The following CUL5 variants were observed in gnomAD, a reference collection of about 807,000 sequenced individuals.
The protein encoded by CUL5 is cullin-5.
A neutral mutation model predicts 108.8 loss-of-function variants in CUL5; 26 were observed. The observed-to-expected ratio is 0.24, with a 90% confidence interval of 0.18 to 0.33. CUL5 has a LOEUF of 0.33. Ranked by LOEUF, CUL5 falls within the 10% of genes least tolerant of loss-of-function variation. CUL5 has a pLI of 1.00. For missense variants in CUL5, 524 were observed against 909.2 expected, an observed-to-expected ratio of 0.58 and a Z score of 5.45; for synonymous variants, 334 against 298.0, an observed-to-expected ratio of 1.12 and a Z score of -1.25.
intron 1 of CUL5, among the ~76,000 whole-genome samples, chr11:108,031,083 T>G (rs530875798): frequency 6.6e-6 from 1 of 152,172 alleles, no homozygotes; most frequent in South Asian, 2.1e-4. Flanking sequence ...AAAATAATCA[T>G]GAGTCTGGGC....
At chr11:108,015,009 C>T (rs1862145532) in intron 1 of CUL5, among the ~76,000 whole-genome samples, 2 of 152,178 alleles carry the variant, frequency 1.3e-5, no homozygotes, top group African/African-American at 4.8e-5. Flanking sequence ...AGCAATTCTC[C>T]TTCCTCAGCC....
chr11:108,021,636 C>T (rs959552790), intron 1 of CUL5, among the ~76,000 whole-genome samples: 4 of 152,010 alleles, frequency 2.6e-5, no homozygotes, highest in Admixed American at 1.3e-4. Flanking sequence ...TACTGGTGTG[C>T]ACCACCACAC....
At chr11:108,028,835 AAAAT>A (rs1862509561) in intron 1 of CUL5, among the ~76,000 whole-genome samples, 2 of 152,206 alleles carry the variant, frequency 1.3e-5, no homozygotes, top group Middle Eastern at 3.2e-3. Context: ...AAAAAAATAA[AAAAT>A]AAAAAAGATT....
chr11:108,055,007 C>A, intron 7 of CUL5, 52 bp downstream of exon 7: 1 of 1,200,638 alleles, frequency 8.3e-7, no homozygotes, highest in Non-Finnish European at 1.2e-6. Context: ...AATACGGAAG[C>A]ATAGGAATGG....
rs139460863 is a variant in CUL5, at chr11:108,073,446, C to T, written c.1062C>T (p.Leu354=). The T allele has an allele frequency of 4.8e-5, 77 of 1,597,416 alleles. No homozygotes were observed. The African/African-American group carries it at 9.5e-4, about 20-fold the overall frequency. Residue 354 remains leucine, a synonymous_variant, in exon 10 of 19, where the codon CTC becomes CTT. Coordinates refer to ENST00000393094, the MANE Select transcript of CUL5 (RefSeq NM_003478.6). The stretch of plus-strand genomic sequence containing the variant: ...CACTATTTAATAGATTTAGTAAACT[C>T]GTCAAAGAAGCTTTTCAAGATGATC... The part of the protein sequence containing the change: ...LLTLFNRFSK[L]VKEAFQDDPR...
Position 108,088,499 on chromosome 11 carries a change from C to A in CUL5, c.1179-28C>A. The A allele has an allele frequency of 4.5e-6, 7 of 1,567,694 alleles. No homozygotes were observed. In the South Asian group the frequency reaches 7.1e-5, roughly 16 times the overall value. Reference sequence around the variant, plus strand: ...TAATTGCAAACATTAATCATTTTTCCATCAACTGCTTTTAATTTGTTTTTT... The same window carrying A: ...TAATTGCAAACATTAATCATTTTTCAATCAACTGCTTTTAATTTGTTTTTT... On this transcript the variant is annotated intron_variant, in intron 11 of 18. Transcript: ENST00000393094.
chr11:108,037,524 AGT>A (rs946182521), intron 2 of CUL5, among the ~76,000 whole-genome samples: 1 of 152,224 alleles, frequency 6.6e-6, no homozygotes, highest in African/African-American at 2.4e-5. Context: ...AAAGGGAAAA[AGT>A]GTGTGTGGCA....
At chr11:108,092,827 A>AT (rs1010010534) in intron 13 of CUL5, among the ~76,000 whole-genome samples, 24 of 151,930 alleles carry the variant, frequency 1.6e-4, no homozygotes, top group South Asian at 4.2e-4. Flanking sequence ...TATTTTTTAT[A>AT]TTTTTTTGAG....
chr11:108,049,806 A>G (rs2135128343), intron 3 of CUL5, 84 bp from the exon 4 acceptor site: 1 of 1,059,980 alleles, frequency 9.4e-7, no homozygotes, highest in Admixed American at 2.8e-5. Flanking sequence ...AAAATTATGT[A>G]CAATTTAAAT....
chr11:108,087,159 A>G (rs939026229), intron 11 of CUL5, among the ~76,000 whole-genome samples: 1 of 152,186 alleles, frequency 6.6e-6, no homozygotes, highest in Non-Finnish European at 1.5e-5. Flanking sequence ...ATTTATGTGA[A>G]TAAGACTTCT....
chr11:108,075,811 C>T (rs569605642), intron 10 of CUL5, among the ~76,000 whole-genome samples: 2 of 152,212 alleles, frequency 1.3e-5, no homozygotes, highest in South Asian at 4.1e-4. Flanking sequence ...TGAGCCACCA[C>T]CCCTGGCCCC....
At chr11:108,070,272 T>A in intron 8 of CUL5, 83 bp downstream of exon 8, 4 of 980,032 alleles carry the variant, frequency 4.1e-6, no homozygotes, top group Non-Finnish European at 6.4e-6. Flanking sequence ...TGCTCTTAGT[T>A]AATTCTTTTC....
intron 8 of CUL5, 26 bp from the exon 9 acceptor site, chr11:108,072,306 T>C (rs1481955205): frequency 1.3e-6 from 2 of 1,552,316 alleles, no homozygotes; most frequent in Admixed American, 3.7e-5. Context: ...ATGAAATGAT[T>C]ACATGAATGT....
At chr11:108,055,669 T>G (rs753461902) in intron 7 of CUL5, among the ~76,000 whole-genome samples, 53 of 151,814 alleles carry the variant, frequency 3.5e-4, no homozygotes, top group Non-Finnish European at 4.9e-4. Flanking sequence ...CTCTCTCTGT[T>G]GCCCAGGCTG....
chr11:108,052,735 G>C lies in CUL5; in HGVS notation c.487G>C (p.Val163Leu). 1 of 1,613,644 alleles carries C rather than the reference G, an allele frequency of 6.2e-7. No homozygotes were observed. The highest frequency in any genetic ancestry group is 8.5e-7 in the Non-Finnish European group (1 of 1,179,644). The change falls in exon 5 of 19, where the codon GTA becomes CTA. Residue 163 changes from valine (V) to leucine (L), a missense_variant. Coordinates refer to ENST00000393094, the MANE Select transcript of CUL5 (RefSeq NM_003478.6). ...ACTCCAAGATAGTGCAATGAAGCTG[G>C]TACATGCTGAGAGATTGGGAGAAGC... ...NRLQDSAMKL[V>L]HAERLGEAFD...
chr11:108,033,653 C>G, intron 1 of CUL5, 149 bp from the exon 2 acceptor site: 1 of 564,250 alleles, frequency 1.8e-6, no homozygotes, highest in Admixed American at 3.3e-5. Context: ...TCCTCAATAA[C>G]GGATTAAGCC....
chr11:108,081,667 G>C (rs1348822558), intron 11 of CUL5, among the ~76,000 whole-genome samples: 1 of 152,096 alleles, frequency 6.6e-6, no homozygotes, highest in Non-Finnish European at 1.5e-5. Flanking sequence ...CAGGAGAATG[G>C]TGTGAACCTG....
chr11:108,073,345 ATTC>A (rs1863870650), intron 9 of CUL5, 42 bp from the exon 10 acceptor site: 1 of 844,344 alleles, frequency 1.2e-6, no homozygotes, highest in Non-Finnish European at 1.9e-6. Context: ...TTTTTGTGTT[ATTC>A]TTTTTCTTTT....
At chr11:108,077,630 C>CAA (rs35289099) in intron 10 of CUL5, among the ~76,000 whole-genome samples, 95 of 136,606 alleles carry the variant, frequency 7.0e-4, no homozygotes, top group South Asian at 1.4e-3. Flanking sequence ...ACTCTGTCTC[C>CAA]AAAAAAAAAA....
Sources: allele counts gnomAD v4.1 joint callset (sites outside exome capture counted in the v4.1 genomes callset), GRCh38; gene constraint gnomAD v4.1.1; transcripts MANE v1.5; gene names NCBI Gene and HGNC (gene_info 2026-07-23, HGNC 2026-07-21).